The following FRMPD1 variants were observed in gnomAD, a reference collection of about 807,000 sequenced individuals.
FRMPD1 encodes the protein FERM and PDZ domain containing 1.
FRMPD1 carries 76 observed loss-of-function variants against 117.8 expected under a neutral mutation model. The ratio of observed to expected loss-of-function variants is 0.65; its 90% CI spans 0.54 to 0.78. The LOEUF is 0.78. Ranked by LOEUF, FRMPD1 falls within the 30% of genes least tolerant of loss-of-function variation. FRMPD1 has a pLI of 0.00. For missense variants in FRMPD1, 1,786 were observed against 1,964.5 expected (o/e 0.91, Z 1.72); for synonymous variants, 783 against 770.4 (o/e 1.02, Z -0.27).
chr9:37,677,251 C>T lies in FRMPD1; in HGVS notation c.-4-15387C>T, dbSNP rs150729637. ...TGCGAGGCATGTCCTGGGCCCAGCC[C>T]TGCAAGCCATTCTTGGTTGCTTGTG... On this transcript the variant is annotated intron_variant, in intron 1 of 15. Coordinates refer to ENST00000377765, the MANE Select transcript of FRMPD1 (RefSeq NM_014907.3). 2.2e-4 allele frequency among the ~76,000 whole-genome samples: 33 copies of T among 152,316 alleles called. No homozygotes were observed. The East Asian group carries it at 5.8e-3, about 27-fold the overall frequency.
At position 37,746,266 on chromosome 9, in the gene FRMPD1, A is replaced by C; in HGVS notation, c.4234A>C (p.Lys1412Gln). The change falls in exon 16 of 16, where the codon AAA (lysine) becomes CAA (glutamine). Residue 1412 changes from lysine to glutamine, a missense_variant. Physicochemically the swap from Lys to Gln is moderately conservative, Grantham distance 53 (BLOSUM62 1). Transcript: ENST00000377765. ...EYCSRALRQL[K>Q]ATPASTPEGF... The stretch of plus-strand genomic sequence containing the variant: ...CTGCTCCAGGGCACTGAGACAGCTG[A>C]AAGCCACCCCTGCCAGCACCCCTGA... 6.2e-7 allele frequency: 1 copy of C among 1,612,852 alleles called. No homozygotes were observed. The highest frequency in any genetic ancestry group is 2.2e-5 in the East Asian group (1 of 44,876).
chr9:37,640,699 T>A, the FRMPD1 span, among the ~76,000 whole-genome samples: 29 of 152,342 alleles, frequency 1.9e-4, no homozygotes, highest in African/African-American at 6.5e-4. Flanking sequence ...ACTCATAAAA[T>A]CATCCTTTAT....
intron 5 of FRMPD1, among the ~76,000 whole-genome samples, chr9:37,715,435 T>C (rs1823078393): frequency 6.6e-6 from 1 of 152,186 alleles, no homozygotes. Flanking sequence ...AGTGACATTG[T>C]GTAGCCCAGG....
Position 37,737,160 on chromosome 9 carries a change from A to T in FRMPD1, c.1466A>T (p.Tyr489Phe). ...CTAGCCTGCCTGATTGCTGGGTACT[A>T]CAGGCTGTTGGTTGACCCAGTTACC... ...KDLACLIAGY[Y>F]RLLVDPVTSI... The change falls in exon 14 of 16, where the codon TAC becomes TTC. Residue 489 changes from tyrosine to phenylalanine, a missense_variant. By Grantham distance (22) the Tyr-to-Phe change is conservative. Coordinates refer to ENST00000377765, the MANE Select transcript of FRMPD1 (RefSeq NM_014907.3). 1.2e-6 allele frequency: 2 copies of T among 1,612,476 alleles called. No homozygotes were observed. The highest frequency in any genetic ancestry group is 1.7e-6 in the Non-Finnish European group (2 of 1,178,498).
At position 37,721,572 on chromosome 9, in the gene FRMPD1, G is replaced by A. The variant is rs141490154; in HGVS notation, c.516+2396G>A. On this transcript the variant is annotated intron_variant, in intron 6 of 15. Transcript: ENST00000377765. Reference sequence around the variant, plus strand: ...GCACTACTGATGGCTTTATAAATTGGCTTAAACTTTTTTGAGTGGAAAAAA... The same window carrying A: ...GCACTACTGATGGCTTTATAAATTGACTTAAACTTTTTTGAGTGGAAAAAA... Among the ~76,000 whole-genome samples, 809 of 152,186 alleles carry A rather than the reference G, an allele frequency of 5.3e-3. 4 individuals carry two copies. The highest frequency in any genetic ancestry group is 7.3e-3 in the Non-Finnish European group (495 of 67,996).
At chr9:37,703,443 G>A (rs1178475053) in intron 2 of FRMPD1, among the ~76,000 whole-genome samples, 1 of 152,124 alleles carries the variant, frequency 6.6e-6, no homozygotes, top group Non-Finnish European at 1.5e-5. Flanking sequence ...TATCTACTAT[G>A]TGTATTTATG....
the FRMPD1 span, among the ~76,000 whole-genome samples, chr9:37,610,595 C>CTTTT: frequency 7.3e-6 from 1 of 137,856 alleles, no homozygotes; most frequent in African/African-American, 2.7e-5. Flanking sequence ...CTATCACATT[C>CTTTT]TTTTTTTTTT....
chr9:37,721,071 T>C (rs1251232283), intron 6 of FRMPD1, among the ~76,000 whole-genome samples: 1 of 152,184 alleles, frequency 6.6e-6, no homozygotes, highest in African/African-American at 2.4e-5. Context: ...CTGTCTATGC[T>C]GAGGGGACCA....
the FRMPD1 span, among the ~76,000 whole-genome samples, chr9:37,630,431 G>T: frequency 1.3e-5 from 2 of 151,858 alleles, no homozygotes; most frequent in Non-Finnish European, 2.9e-5. Flanking sequence ...ACCCAAGTTG[G>T]AGTGCAGTGG....
intron 12 of FRMPD1, 135 bp from the exon 13 acceptor site, chr9:37,735,417 A>G: frequency 1.5e-6 from 1 of 663,924 alleles, no homozygotes; most frequent in Non-Finnish European, 2.7e-6. Flanking sequence ...AAGTTAGGCA[A>G]TAGTCTGGAG....
chr9:37,744,136 G>C (rs751948182), intron 15 of FRMPD1, among the ~76,000 whole-genome samples: 1 of 151,774 alleles, frequency 6.6e-6, no homozygotes, highest in Non-Finnish European at 1.5e-5. Flanking sequence ...GTTGCAGTGA[G>C]CCGAGATCAC....
intron 13 of FRMPD1, among the ~76,000 whole-genome samples, chr9:37,735,947 G>A (rs902531613): frequency 5.3e-5 from 8 of 152,048 alleles, no homozygotes; most frequent in African/African-American, 1.4e-4. Flanking sequence ...CACAAACTGA[G>A]ATGGACCATG....
chr9:37,625,052 C>T, the FRMPD1 span, among the ~76,000 whole-genome samples: 1 of 152,182 alleles, frequency 6.6e-6, no homozygotes, highest in Non-Finnish European at 1.5e-5. Context: ...AGAAAAATGT[C>T]TTCAGATATT....
intron 1 of FRMPD1, among the ~76,000 whole-genome samples, chr9:37,674,447 C>T (rs960414961): frequency 3.3e-5 from 5 of 152,324 alleles, no homozygotes; most frequent in East Asian, 1.9e-4. Context: ...ATTTTCCTGC[C>T]TTCTTCTGAG....
Position 37,733,515 on chromosome 9 carries a change from C to T in FRMPD1, c.1038C>T (p.Leu346=). The stretch of plus-strand genomic sequence containing the variant: ...AGAACTTTATATCTCCAACTTTACT[C>T]CGAAACATGAAAGGCAAAGACATCA... ...GIENFISPTL[L]RNMKGKDIKK... The change falls in exon 11 of 16, where the codon CTC becomes CTT. Residue 346 remains leucine (L), a synonymous_variant. Transcript: ENST00000377765. The T allele has an allele frequency of 6.2e-7, 1 of 1,613,664 alleles. No individual in the cohort carries two copies. Among genetic ancestry groups the T allele is most frequent in the East Asian group, 2.2e-5 (1 of 44,876 alleles).
intron 1 of FRMPD1, among the ~76,000 whole-genome samples, chr9:37,667,106 C>T: frequency 7.3e-6 from 1 of 137,064 alleles, no homozygotes; most frequent in Non-Finnish European, 1.5e-5. Context: ...CTTTGTCACC[C>T]AGGCTGGAGT....
the FRMPD1 span, among the ~76,000 whole-genome samples, chr9:37,616,757 G>A: frequency 3.3e-5 from 5 of 152,166 alleles, no homozygotes; most frequent in South Asian, 2.1e-4. Context: ...TAGTCTCTCC[G>A]TATCTCTAGG....
At position 37,746,690 on chromosome 9, in the gene FRMPD1, T is replaced by A. The variant is rs1824742131; in HGVS notation, c.4658T>A (p.Leu1553His). The change falls in exon 16 of 16, where the codon CTC (leucine) becomes CAC (histidine). Residue 1553 changes from leucine (L) to histidine (H), a missense_variant. Leu to His is a moderately conservative substitution (Grantham distance 99). Coordinates refer to ENST00000377765, the MANE Select transcript of FRMPD1 (RefSeq NM_014907.3). The part of the protein sequence containing the change: ...ERGYHDLSVK[L>H]LARQCTALTA... Reference sequence around the variant, plus strand: ...GGCTACCACGACCTGAGTGTGAAACTCCTGGCCCGTCAGTGCACGGCCCTC... The same window carrying A: ...GGCTACCACGACCTGAGTGTGAAACACCTGGCCCGTCAGTGCACGGCCCTC... 6.2e-7 allele frequency: 1 copy of A among 1,614,038 alleles called. No individual in the cohort carries two copies.
intron 1 of FRMPD1, among the ~76,000 whole-genome samples, chr9:37,685,445 T>C (rs7857058): frequency 0.11 from 17,065 of 151,660 alleles, 2,470 homozygotes; most frequent in African/African-American, 0.34. Flanking sequence ...AGATCGAGAC[T>C]ATCCTGGCTA....
Sources: gnomAD v4.1 joint callset for allele counts (sites outside exome capture counted in the v4.1 genomes callset) on GRCh38, gnomAD v4.1.1 for gene constraint, MANE v1.5 for transcripts, NCBI Gene and HGNC (gene_info 2026-07-23, HGNC 2026-07-21) for gene names.